ERC2: variants seen among roughly 807,000 people sequenced by gnomAD.
ERC2 encodes the protein ERC protein 2.
ERC2 carries 42 observed loss-of-function variants against 114.8 expected under a neutral mutation model. The observed-to-expected ratio is 0.37, with a 90% CI of 0.29 to 0.47. The LOEUF is 0.47. ERC2 is among the 20% of genes least tolerant of loss of function. The pLI is 0.99. For missense variants in ERC2, 939 were observed against 1,150.7 expected (o/e 0.82, Z 2.66); for synonymous variants, 454 against 425.5 (o/e 1.07, Z -0.82).
chr3:56,005,242 C>A (rs1426827628), intron 10 of ERC2, among the ~76,000 whole-genome samples: 2 of 151,982 alleles, frequency 1.3e-5, no homozygotes, highest in East Asian at 1.9e-4. Context: ...AGGTCCTTTA[C>A]AGCAAGACAA....
At chr3:55,578,900 C>A (rs2057120181) in intron 17 of ERC2, among the ~76,000 whole-genome samples, 1 of 152,068 alleles carries the variant, frequency 6.6e-6, no homozygotes, top group Non-Finnish European at 1.5e-5. Flanking sequence ...CTAGCCTAGG[C>A]TTGTTTTCAC....
intron 17 of ERC2, among the ~76,000 whole-genome samples, chr3:55,556,125 A>C (rs2055588614): frequency 6.6e-6 from 1 of 152,186 alleles, no homozygotes; most frequent in South Asian, 2.1e-4. Flanking sequence ...AGAAGGACAC[A>C]GCAGGGAAAA....
intron 3 of ERC2, among the ~76,000 whole-genome samples, chr3:56,265,063 T>C (rs1236778205): frequency 6.6e-6 from 1 of 152,170 alleles, no homozygotes; most frequent in East Asian, 1.9e-4. Context: ...ATAATCTCTA[T>C]TAACATTCCA....
At chr3:55,950,313 G>A in intron 13 of ERC2, 112 bp downstream of exon 13, 1 of 1,371,686 alleles carries the variant, frequency 7.3e-7, no homozygotes. Flanking sequence ...CTAGACTCAG[G>A]GCAAAGGCAA....
chr3:56,217,427 A>C (rs1219088943), intron 3 of ERC2, among the ~76,000 whole-genome samples: 1 of 152,210 alleles, frequency 6.6e-6, no homozygotes, highest in Non-Finnish European at 1.5e-5. Flanking sequence ...AATCCAACTT[A>C]CAAGGGATGT....
chr3:56,101,072 T>C (rs1327516297), intron 6 of ERC2, among the ~76,000 whole-genome samples: 1 of 152,230 alleles, frequency 6.6e-6, no homozygotes. Context: ...AATCTGCTCT[T>C]TCTAATCTCT....
intron 2 of ERC2, among the ~76,000 whole-genome samples, chr3:56,299,870 A>G (rs2055743837): frequency 6.6e-6 from 1 of 152,236 alleles, no homozygotes; most frequent in Non-Finnish European, 1.5e-5. Context: ...GAGCATAACC[A>G]AAAATAAGAT....
At chr3:55,901,722 T>G (rs2064146480) in intron 13 of ERC2, among the ~76,000 whole-genome samples, 1 of 152,204 alleles carries the variant, frequency 6.6e-6, no homozygotes, top group South Asian at 2.1e-4. Flanking sequence ...GTGAGTGACA[T>G]CCCATCACTT....
At chr3:56,299,725 C>T (rs188594115) in intron 2 of ERC2, among the ~76,000 whole-genome samples, 9 of 152,254 alleles carry the variant, frequency 5.9e-5, no homozygotes, top group South Asian at 2.1e-4. Context: ...CCACTGTGTC[C>T]GGCCGTCATT....
chr3:55,716,330 T>C (rs139782512), intron 15 of ERC2, among the ~76,000 whole-genome samples: 1 of 152,324 alleles, frequency 6.6e-6, no homozygotes, highest in Non-Finnish European at 1.5e-5. Flanking sequence ...CTTCCCTTGC[T>C]AGAAATAACT....
At chr3:55,993,549 A>C (rs1328792277) in intron 10 of ERC2, among the ~76,000 whole-genome samples, 1 of 152,124 alleles carries the variant, frequency 6.6e-6, no homozygotes, top group Non-Finnish European at 1.5e-5. Context: ...ATTTCATATG[A>C]CAAAATAATC....
chr3:56,187,145 G>C (rs552846833), intron 3 of ERC2, among the ~76,000 whole-genome samples: 1 of 152,266 alleles, frequency 6.6e-6, no homozygotes, highest in African/African-American at 2.4e-5. Context: ...AGGCAAGGGG[G>C]CTGGGCTTCT....
intron 9 of ERC2, among the ~76,000 whole-genome samples, chr3:56,007,865 A>C (rs1376106658): frequency 6.6e-6 from 1 of 152,146 alleles, no homozygotes; most frequent in African/African-American, 2.4e-5. Context: ...AATTTAGAGT[A>C]AATTTTATGT....
chr3:55,931,080 A>G (rs1010927289), intron 13 of ERC2, among the ~76,000 whole-genome samples: 2 of 152,232 alleles, frequency 1.3e-5, no homozygotes, highest in Non-Finnish European at 1.5e-5. Context: ...TAGAATGGCG[A>G]TCATTAAAAA....
At chr3:55,802,664 C>T (rs2059347072) in intron 14 of ERC2, among the ~76,000 whole-genome samples, 1 of 152,178 alleles carries the variant, frequency 6.6e-6, no homozygotes, top group East Asian at 1.9e-4. Flanking sequence ...TTGAAATACT[C>T]AGTATATAAA....
intron 9 of ERC2, 126 bp downstream of exon 9, chr3:56,010,323 G>A: frequency 8.5e-7 from 1 of 1,172,336 alleles, no homozygotes; most frequent in South Asian, 1.9e-5. Flanking sequence ...CTTTACAAAA[G>A]AAAGGTTACT....
At chr3:56,311,083 T>C (rs1318511779) in intron 2 of ERC2, among the ~76,000 whole-genome samples, 1 of 151,486 alleles carries the variant, frequency 6.6e-6, no homozygotes, top group African/African-American at 2.4e-5. Flanking sequence ...AGTGGGTCAT[T>C]CACTCATTGA....
chr3:55,809,757 C>T (rs2059644499), intron 14 of ERC2, among the ~76,000 whole-genome samples: 1 of 149,222 alleles, frequency 6.7e-6, no homozygotes, highest in Admixed American at 6.8e-5. Context: ...TGCCTCAAAT[C>T]ACAGAGGTTT....
intron 17 of ERC2, among the ~76,000 whole-genome samples, chr3:55,644,059 G>A (rs1201798768): frequency 6.6e-6 from 1 of 152,120 alleles, no homozygotes; most frequent in East Asian, 1.9e-4. Flanking sequence ...AGGGCAGGGT[G>A]TGAGAGGGCA....
Sources: gnomAD v4.1 joint callset for allele counts (sites outside exome capture counted in the v4.1 genomes callset) on GRCh38, gnomAD v4.1.1 for gene constraint, MANE v1.5 for transcripts, NCBI Gene and HGNC (gene_info 2026-07-23, HGNC 2026-07-21) for gene names.